Variants in ERG observed in about 807,000 individuals in gnomAD.
The protein encoded by ERG is ETS transcription factor ERG.
In ERG, 9 loss-of-function variants were observed where a neutral mutation model predicts 55.3. The observed-to-expected ratio is 0.16, with a 90% CI of 0.10 to 0.28. The LOEUF (loss-of-function observed/expected upper bound fraction) is 0.28, where lower values mean the gene tolerates loss of function less well. Among genes scored for constraint, ERG ranks in the 10% least tolerant of loss-of-function variants. ERG has a pLI of 1.00. For synonymous variants in ERG, 223 were observed against 237.3 expected (o/e 0.94, Z 0.55); for missense variants, 434 against 631.6 (o/e 0.69, Z 3.35).
chr21:38,391,330 G>A (rs1010524387), intron 8 of ERG, among the ~76,000 whole-genome samples: 9 of 152,188 alleles, frequency 5.9e-5, no homozygotes, highest in African/African-American at 2.2e-4. Flanking sequence ...GGGCAAACAT[G>A]TGCCAAGCCC....
At chr21:38,544,718 T>C (rs1055411064) in intron 2 of ERG, among the ~76,000 whole-genome samples, 51 of 152,130 alleles carry the variant, frequency 3.4e-4, no homozygotes, top group African/African-American at 1.2e-3. Context: ...TTTGAACTGA[T>C]GAGGGAAAAA....
intron 2 of ERG, among the ~76,000 whole-genome samples, chr21:38,536,068 G>A (rs1228923358): frequency 5.9e-5 from 9 of 152,094 alleles, no homozygotes; most frequent in African/African-American, 1.9e-4. Context: ...CATGGACCAT[G>A]AGCAATTAGC....
intron 1 of ERG, among the ~76,000 whole-genome samples, chr21:38,628,573 G>A (rs1279517694): frequency 6.6e-6 from 1 of 152,202 alleles, no homozygotes; most frequent in Non-Finnish European, 1.5e-5. Flanking sequence ...AGAAAAGAGA[G>A]AGCTGGCTGC....
At chr21:38,375,109 A>G (rs889020653), downstream of ERG, among the ~76,000 whole-genome samples, 3 of 152,166 alleles carry the variant, frequency 2.0e-5, no homozygotes, top group Non-Finnish European at 4.4e-5. Context: ...GAAAATACTA[A>G]CACAGCATCT....
intron 1 of ERG, among the ~76,000 whole-genome samples, chr21:38,655,954 C>T (rs560091423): frequency 6.6e-5 from 10 of 152,278 alleles, no homozygotes; most frequent in African/African-American, 2.2e-4. Flanking sequence ...GGAAAACAGG[C>T]TTTCCATGAA....
chr21:38,547,214 C>A (rs1176507764), intron 2 of ERG, among the ~76,000 whole-genome samples: 2 of 152,172 alleles, frequency 1.3e-5, no homozygotes, highest in African/African-American at 2.4e-5. Flanking sequence ...ACTTGTTGAT[C>A]TCAAATGTCG....
downstream of ERG, among the ~76,000 whole-genome samples, chr21:38,377,168 G>A (rs745333998): frequency 6.6e-6 from 1 of 152,210 alleles, no homozygotes; most frequent in Non-Finnish European, 1.5e-5. Flanking sequence ...AAGCGGTATT[G>A]TGCAAGTTAA....
At chr21:38,614,314 A>T (rs1338100082) in intron 1 of ERG, among the ~76,000 whole-genome samples, 2 of 152,152 alleles carry the variant, frequency 1.3e-5, no homozygotes, top group African/African-American at 4.8e-5. Context: ...AATGAATCCC[A>T]ATGTTGTTCA....
chr21:38,553,418 A>G (rs1305402116), intron 2 of ERG, among the ~76,000 whole-genome samples: 2 of 152,196 alleles, frequency 1.3e-5, no homozygotes, highest in Non-Finnish European at 2.9e-5. Context: ...GTATCACACT[A>G]CCTAGCTTCA....
At chr21:38,573,799 C>G (rs545564442) in intron 2 of ERG, among the ~76,000 whole-genome samples, 2 of 152,346 alleles carry the variant, frequency 1.3e-5, no homozygotes, top group African/African-American at 4.8e-5. Flanking sequence ...TATACTTTGT[C>G]TCTGTGTCTT....
chr21:38,392,339 G>C lies in ERG; in HGVS notation c.814+37C>G, dbSNP rs12106359. The C allele has an allele frequency of 1.4e-3, 2,069 of 1,515,188 alleles. 25 individuals are homozygous for C. In the African/African-American group the frequency reaches 0.025, roughly 18 times the overall value. The allele number at this position is 1,515,188 out of a possible 1,614,324, so 93.9% of individuals were successfully genotyped here. ...CCATCAACAGTCATCCACTGCCTGT[G>C]ACATGAAACTCAGGGTCATGGGAGC... On this transcript the variant is annotated intron_variant, in intron 7 of 9. Transcript: ENST00000288319.
intron 2 of ERG, among the ~76,000 whole-genome samples, chr21:38,543,198 G>A (rs978100507): frequency 1.3e-5 from 2 of 151,954 alleles, no homozygotes; most frequent in African/African-American, 4.8e-5. Flanking sequence ...TGTATATTAT[G>A]CTCTCCAAAT....
At chr21:38,429,867 T>C (rs1990123823) in intron 2 of ERG, among the ~76,000 whole-genome samples, 1 of 152,116 alleles carries the variant, frequency 6.6e-6, no homozygotes, top group South Asian at 2.1e-4. Context: ...GCAAGTGTCT[T>C]TTTCATTTCC....
At chr21:38,570,869 C>T (rs1466769354) in intron 2 of ERG, among the ~76,000 whole-genome samples, 1 of 152,150 alleles carries the variant, frequency 6.6e-6, no homozygotes, top group East Asian at 1.9e-4. Context: ...CAGTCCAGTC[C>T]TCATTCCATC....
chr21:38,558,059 TGGG>T (rs36111453), intron 2 of ERG, among the ~76,000 whole-genome samples: 19,122 of 151,390 alleles, frequency 0.13, 1,280 homozygotes, highest in East Asian at 0.21. Context: ...TGCTAAGTTT[TGGG>T]GGGGGGTCCT....
At chr21:38,505,228 C>G (rs768798526) in intron 2 of ERG, among the ~76,000 whole-genome samples, 2 of 152,200 alleles carry the variant, frequency 1.3e-5, no homozygotes, top group Non-Finnish European at 2.9e-5. Context: ...CAATGAAGCC[C>G]TATACCCGTG....
chr21:38,457,689 T>C (rs2059003415), intron 1 of ERG, among the ~76,000 whole-genome samples: 3 of 152,146 alleles, frequency 2.0e-5, no homozygotes, highest in Non-Finnish European at 2.9e-5. Context: ...AGCTGGGAAA[T>C]GCTATGCACC....
intron 9 of ERG, among the ~76,000 whole-genome samples, chr21:38,390,692 C>A (rs912227320): frequency 5.3e-5 from 8 of 152,222 alleles, no homozygotes; most frequent in Admixed American, 1.3e-4. Context: ...TGATTTCAGA[C>A]TTCCAGCCTC....
intron 1 of ERG, among the ~76,000 whole-genome samples, chr21:38,582,101 C>A (rs1447901976): frequency 2.0e-5 from 3 of 151,306 alleles, no homozygotes; most frequent in Non-Finnish European, 4.4e-5. Flanking sequence ...TCCTTCCAGA[C>A]CTTGCCCTGT....
Sources: gnomAD v4.1 joint callset for allele counts (sites outside exome capture counted in the v4.1 genomes callset) on GRCh38, gnomAD v4.1.1 for gene constraint, MANE v1.5 for transcripts, NCBI Gene and HGNC (gene_info 2026-07-23, HGNC 2026-07-21) for gene names.